TTLL5: variants seen among roughly 807,000 people sequenced by gnomAD.
TTLL5 encodes the protein tubulin tyrosine ligase like 5.
TTLL5 carries 132 observed loss-of-function variants against 168.4 expected under a neutral mutation model. The observed-to-expected ratio is 0.78, with a 90% CI of 0.68 to 0.91. The LOEUF (loss-of-function observed/expected upper bound fraction) is 0.91. TTLL5 is among the 40% of genes least tolerant of loss of function. TTLL5 has a pLI of 0.00. For missense variants in TTLL5, 1,545 were observed against 1,581.5 expected, an observed-to-expected ratio of 0.98 and a Z score of 0.39; for synonymous variants, 546 against 558.6, an observed-to-expected ratio of 0.98 and a Z score of 0.32.
intron 3 of TTLL5, among the ~76,000 whole-genome samples, 193 bp from the exon 4 acceptor site, chr14:75,681,352 C>T (rs1884597019): frequency 6.6e-6 from 1 of 152,050 alleles, no homozygotes; most frequent in Admixed American, 6.6e-5. Context: ...TAATTTTTCC[C>T]CCATCTATGT....
chr14:75,744,614 A>G (rs569617529), intron 15 of TTLL5: 2 of 152,484 alleles, frequency 1.3e-5, no homozygotes, highest in Admixed American at 6.5e-5. Flanking sequence ...TCACAGCCCA[A>G]CTTTTTCATT....
At chr14:75,943,179 C>T (rs2034665443) in intron 31 of TTLL5, among the ~76,000 whole-genome samples, 1 of 152,164 alleles carries the variant, frequency 6.6e-6, no homozygotes, top group Non-Finnish European at 1.5e-5. Context: ...CTGTATACCT[C>T]TCCTGCTCTT....
At chr14:75,743,451 T>C (rs1445309764) in intron 15 of TTLL5, among the ~76,000 whole-genome samples, 1 of 151,866 alleles carries the variant, frequency 6.6e-6, no homozygotes, top group East Asian at 1.9e-4. Flanking sequence ...GGCTTCATTC[T>C]AAGTCTTTTT....
intron 31 of TTLL5, among the ~76,000 whole-genome samples, chr14:75,948,904 A>G (rs2034863317): frequency 1.3e-5 from 2 of 152,212 alleles, no homozygotes; most frequent in Admixed American, 6.5e-5. Context: ...CAAAATCCAA[A>G]TATTCCTTTA....
intron 31 of TTLL5, among the ~76,000 whole-genome samples, chr14:75,921,279 T>C (rs2033816599): frequency 6.6e-6 from 1 of 152,218 alleles, no homozygotes; most frequent in African/African-American, 2.4e-5. Flanking sequence ...CTTTTGGTGT[T>C]TTAGTCATGA....
At chr14:75,870,307 A>G (rs1163065012) in intron 29 of TTLL5, among the ~76,000 whole-genome samples, 2 of 138,284 alleles carry the variant, frequency 1.4e-5, no homozygotes, top group African/African-American at 5.5e-5. Context: ...GGGTCTCGCT[A>G]TATTGCCCAG....
intron 20 of TTLL5, among the ~76,000 whole-genome samples, chr14:75,767,393 G>A (rs891014688): frequency 6.6e-6 from 1 of 152,214 alleles, no homozygotes; most frequent in African/African-American, 2.4e-5. Flanking sequence ...ATAAGATGGT[G>A]TAATGTTAGA....
At chr14:75,796,942 GT>G (rs1303591525) in intron 27 of TTLL5, among the ~76,000 whole-genome samples, 1 of 152,062 alleles carries the variant, frequency 6.6e-6, no homozygotes, top group African/African-American at 2.4e-5. Flanking sequence ...TTTCAGGATT[GT>G]TTTTTCTAGT....
intron 17 of TTLL5, among the ~76,000 whole-genome samples, chr14:75,752,582 A>C (rs1890015691): frequency 6.6e-6 from 1 of 152,002 alleles, no homozygotes; most frequent in African/African-American, 2.4e-5. Context: ...TTTTTCTTTT[A>C]TCTTTCAGTC....
At chr14:75,934,811 C>T (rs1259938634) in intron 31 of TTLL5, among the ~76,000 whole-genome samples, 1 of 152,174 alleles carries the variant, frequency 6.6e-6, no homozygotes, top group East Asian at 1.9e-4. Context: ...ATGCTCTAAC[C>T]ATTCTCTCAT....
At chr14:75,887,344 T>TTTAA (rs2032173466) in intron 30 of TTLL5, 1 of 984,198 alleles carries the variant, frequency 1.0e-6, no homozygotes, top group South Asian at 4.7e-5. Context: ...AGTGAGAAGA[T>TTTAA]TTAAGGGCAA....
At chr14:75,915,309 C>T (rs530150882) in intron 31 of TTLL5, among the ~76,000 whole-genome samples, 4 of 152,128 alleles carry the variant, frequency 2.6e-5, no homozygotes, top group African/African-American at 4.8e-5. Flanking sequence ...ATCATGGTTC[C>T]GGAGTCATAT....
At chr14:75,856,047 A>C (rs913832149) in intron 28 of TTLL5, among the ~76,000 whole-genome samples, 1 of 152,214 alleles carries the variant, frequency 6.6e-6, no homozygotes, top group African/African-American at 2.4e-5. Flanking sequence ...TGTAAAGGAA[A>C]ATATGCTTTA....
chr14:75,898,339 C>A (rs147662814), intron 30 of TTLL5, among the ~76,000 whole-genome samples: 1 of 152,226 alleles, frequency 6.6e-6, no homozygotes, highest in East Asian at 1.9e-4. Flanking sequence ...CTTATTCTCA[C>A]GCTTAAAGAT....
intron 3 of TTLL5, among the ~76,000 whole-genome samples, chr14:75,677,734 C>T (rs776255539): frequency 6.6e-6 from 1 of 151,938 alleles, no homozygotes; most frequent in South Asian, 2.1e-4. Context: ...CCTCTTACCT[C>T]AGCCTCCTGA....
At chr14:75,890,411 A>G (rs545643630) in intron 30 of TTLL5, among the ~76,000 whole-genome samples, 1 of 152,226 alleles carries the variant, frequency 6.6e-6, no homozygotes, top group East Asian at 1.9e-4. Context: ...TACTTCTGCC[A>G]GAAGAATAAG....
chr14:75,911,252 C>T (rs1469910336), intron 31 of TTLL5, among the ~76,000 whole-genome samples: 2 of 152,034 alleles, frequency 1.3e-5, no homozygotes, highest in Admixed American at 6.5e-5. Context: ...CGGCTGGCCT[C>T]GAACTCCTGA....
chr14:75,919,582 A>G (rs1414303552), intron 31 of TTLL5, among the ~76,000 whole-genome samples: 1 of 151,954 alleles, frequency 6.6e-6, no homozygotes, highest in Non-Finnish European at 1.5e-5. Flanking sequence ...CACATGCAAA[A>G]CAGTGAAGTT....
chr14:75,668,214 T>C lies in TTLL5; in HGVS notation c.75-1202T>C, dbSNP rs144448346. On this transcript the variant is annotated intron_variant, in intron 2 of 31. Coordinates refer to ENST00000298832, the MANE Select transcript of TTLL5 (RefSeq NM_015072.5). ...TATTGCATTTAAGGAATTATCAGTT[T>C]AAGTTCCCAAATAATTGAATTCAAG... Among the ~76,000 whole-genome samples the C allele has an allele frequency of 5.8e-4, 89 of 152,346 alleles. 1 individual carries two copies. The highest frequency in any genetic ancestry group is 6.8e-3 in the Middle Eastern group (2 of 294).
Sources: allele counts gnomAD v4.1 joint callset (sites outside exome capture counted in the v4.1 genomes callset), GRCh38; gene constraint gnomAD v4.1.1; transcripts MANE v1.5; gene names NCBI Gene and HGNC (gene_info 2026-07-23, HGNC 2026-07-21).